The following RNF169 variants were observed in gnomAD, a reference collection of about 807,000 sequenced individuals.
RNF169 encodes the protein E3 ubiquitin-protein ligase RNF169.
Under a neutral mutation model 53.9 loss-of-function variants are expected in RNF169, and 24 were observed. That is an observed-to-expected ratio of 0.45 (90% CI 0.32 to 0.63). RNF169 has a LOEUF of 0.63. Among genes scored for constraint, RNF169 ranks in the 20% least tolerant of loss-of-function variants. The probability of loss-of-function intolerance (pLI) is 0.04; values close to 1 mark genes in which losing one functional copy is unlikely to be tolerated. For synonymous variants in RNF169, 396 were observed against 363.5 expected (o/e 1.09, Z -1.02); for missense variants, 883 against 906.2 (o/e 0.97, Z 0.33).
chr11:74,756,351 G>A (rs903043636), intron 1 of RNF169, among the ~76,000 whole-genome samples: 10 of 152,202 alleles, frequency 6.6e-5, no homozygotes, highest in Admixed American at 5.2e-4. Context: ...CCTGGAGACA[G>A]ACTACCTGGG....
intron 1 of RNF169, among the ~76,000 whole-genome samples, chr11:74,756,391 G>C (rs1012622075): frequency 1.3e-5 from 2 of 152,206 alleles, no homozygotes; most frequent in African/African-American, 4.8e-5. Context: ...ATTTATAGCT[G>C]TATGTTATTG....
chr11:74,838,610 G>A lies in RNF169; in HGVS notation c.*1880G>A, dbSNP rs975180212. On this transcript the variant is annotated 3_prime_UTR_variant, in exon 6 of 6. Transcript: ENST00000299563. ...TCACTCACCTGAATGTATGCATTCT[G>A]TGTTCTCTGTGTGTGTGCACATATG... 1 of 152,246 alleles carries A rather than the reference G, an allele frequency of 6.6e-6. No individual in the cohort carries two copies. The highest frequency in any genetic ancestry group is 1.5e-5 in the Non-Finnish European group (1 of 68,046). The allele number at this position is 152,246 out of a possible 1,614,324, so 9.4% of individuals were successfully genotyped here.
chr11:74,749,433 C>G (rs2034849354), intron 1 of RNF169, 51 bp downstream of exon 1: 2 of 1,215,868 alleles, frequency 1.6e-6, no homozygotes, highest in Admixed American at 7.0e-5. Flanking sequence ...CGAGCGCGCC[C>G]CGGCCCGGCC....
At chr11:74,756,741 G>T (rs2034989654) in intron 1 of RNF169, among the ~76,000 whole-genome samples, 1 of 152,196 alleles carries the variant, frequency 6.6e-6, no homozygotes, top group Admixed American at 6.5e-5. Context: ...TAGAGTGCAT[G>T]TGGGAGAGTG....
chr11:74,806,892 T>C (rs1439446821), intron 2 of RNF169, among the ~76,000 whole-genome samples: 1 of 152,098 alleles, frequency 6.6e-6, no homozygotes, highest in African/African-American at 2.4e-5. Context: ...CTTACACTAA[T>C]TATTTGTATA....
intron 1 of RNF169, among the ~76,000 whole-genome samples, chr11:74,755,113 T>C (rs985189348): frequency 4.6e-5 from 7 of 152,252 alleles, no homozygotes; most frequent in African/African-American, 1.7e-4. Flanking sequence ...GTTTAAAATA[T>C]GTAAAATGAC....
chr11:74,812,333 T>G (rs2035886314), intron 3 of RNF169, among the ~76,000 whole-genome samples: 1 of 152,168 alleles, frequency 6.6e-6, no homozygotes, highest in Non-Finnish European at 1.5e-5. Flanking sequence ...CTTGCTCTGT[T>G]GCCAAAGCTG....
chr11:74,829,541 A>G (rs980852845), intron 4 of RNF169, among the ~76,000 whole-genome samples: 2 of 148,420 alleles, frequency 1.3e-5, no homozygotes, highest in Admixed American at 1.3e-4. Context: ...ATACACGCAC[A>G]TGTGTGTTCA....
At position 74,808,700 on chromosome 11, in the gene RNF169, T is replaced by C. The variant is rs143063522; in HGVS notation, c.577-1484T>C. Among the ~76,000 whole-genome samples, 137 of 152,352 alleles carry C rather than the reference T, an allele frequency of 9.0e-4. 1 individual carries two copies. The highest frequency in any genetic ancestry group is 1.6e-3 in the Non-Finnish European group (110 of 68,034). ...ATTCCAATGATGCTAAAACCTGTTCTCTTTTGAACCATTATGCTCCTCTGT... is the reference window on the plus strand; with the variant it reads ...ATTCCAATGATGCTAAAACCTGTTCCCTTTTGAACCATTATGCTCCTCTGT... On this transcript the variant is annotated intron_variant, in intron 2 of 5. Coordinates refer to ENST00000299563, the MANE Select transcript of RNF169 (RefSeq NM_001098638.2).
intron 1 of RNF169, among the ~76,000 whole-genome samples, chr11:74,778,102 GT>G (rs1391868602): frequency 6.6e-6 from 1 of 152,130 alleles, no homozygotes; most frequent in Non-Finnish European, 1.5e-5. Context: ...TTTGGCAGTT[GT>G]TTATTCTGTG....
In RNF169 at chr11:74,835,979, TG is replaced by T; in HGVS notation, c.1381del (p.Glu461LysfsTer4). ...KATLTSLAPE[M>X]GEELLGSEGI... ...ACTCTTACCTCTCTGGCTCCTGAAA[TG>T]GGGGAAGAGTTACTAGGCTCTGAAG... On this transcript the variant is annotated frameshift_variant, in exon 6 of 6. Coordinates refer to ENST00000299563, the MANE Select transcript of RNF169 (RefSeq NM_001098638.2). LOFTEE classifies it high-confidence loss of function. 1 of 1,614,126 alleles carries T rather than the reference TG, an allele frequency of 6.2e-7. No homozygotes were observed. Among genetic ancestry groups the T allele is most frequent in the Non-Finnish European group, 8.5e-7 (1 of 1,180,020 alleles).
intron 2 of RNF169, among the ~76,000 whole-genome samples, chr11:74,799,598 A>C (rs1456304207): frequency 6.6e-6 from 1 of 152,134 alleles, no homozygotes; most frequent in East Asian, 1.9e-4. Flanking sequence ...TTATGGTTTA[A>C]GTATTAATAA....
At chr11:74,834,598 A>T (rs1470516814) in intron 4 of RNF169, 78 bp from the exon 5 acceptor site, 18 of 1,013,524 alleles carry the variant, frequency 1.8e-5, no homozygotes, top group Non-Finnish European at 2.6e-5. Context: ...TTAGAAAGCA[A>T]AAAGATATTG....
intron 2 of RNF169, among the ~76,000 whole-genome samples, chr11:74,809,691 C>T (rs981442753): frequency 2.6e-5 from 4 of 152,194 alleles, no homozygotes; most frequent in Middle Eastern, 3.4e-3. Flanking sequence ...CTTTGTAGAC[C>T]GTGTATCTTG....
chr11:74,792,704 G>A (rs2035595598), intron 2 of RNF169, among the ~76,000 whole-genome samples: 1 of 152,186 alleles, frequency 6.6e-6, no homozygotes, highest in Non-Finnish European at 1.5e-5. Context: ...CCTGGCAAGA[G>A]TAGGGGTTTT....
intron 4 of RNF169, among the ~76,000 whole-genome samples, chr11:74,828,477 T>G (rs1422633526): frequency 6.6e-6 from 1 of 152,218 alleles, no homozygotes; most frequent in Non-Finnish European, 1.5e-5. Context: ...TAGAAAAAAC[T>G]ATTTTAAAAT....
At chr11:74,792,636 C>T (rs544742331) in intron 2 of RNF169, among the ~76,000 whole-genome samples, 92 of 152,076 alleles carry the variant, frequency 6.0e-4, no homozygotes, top group African/African-American at 2.1e-3. Context: ...CTCCTGACTT[C>T]GTGATTCACC....
rs931285880 is a variant in RNF169, at chr11:74,834,881, C to T, written c.942+106C>T. ...TCCAGAAGAGAAGAAGCAGAATGAG[C>T]CCAGGCATACTAGTTATATTGGAGA... On this transcript the variant is annotated intron_variant, in intron 5 of 5. Coordinates refer to ENST00000299563, the MANE Select transcript of RNF169 (RefSeq NM_001098638.2). 9 of 659,802 alleles carry T rather than the reference C, an allele frequency of 1.4e-5. No individual in the cohort carries two copies. The African/African-American group carries it at 1.5e-4, about 11-fold the overall frequency. 40.9% of individuals were successfully genotyped at this position (659,802 alleles called of 1,614,324 possible).
chr11:74,778,219 G>C lies in RNF169; in HGVS notation c.503-11407G>C, dbSNP rs534390852. ...GCATTATAAATGTTTTGGGGAAAGA[G>C]TTTTGTGCCTTTCTTTTTATATTTT... is the stretch of plus-strand genomic sequence containing the variant. On this transcript the variant is annotated intron_variant, in intron 1 of 5. Coordinates refer to ENST00000299563, the MANE Select transcript of RNF169 (RefSeq NM_001098638.2). 1.1e-4 allele frequency among the ~76,000 whole-genome samples: 17 copies of C among 152,302 alleles called. No homozygotes were observed. In the South Asian group the frequency reaches 3.1e-3, roughly 28 times the overall value.
Sources: allele counts gnomAD v4.1 joint callset (sites outside exome capture counted in the v4.1 genomes callset), GRCh38; gene constraint gnomAD v4.1.1; transcripts MANE v1.5; gene names NCBI Gene and HGNC (gene_info 2026-07-23, HGNC 2026-07-21).